The following BPIFB4 variants were observed in gnomAD, a reference collection of about 807,000 sequenced individuals.
BPIFB4 encodes BPI fold-containing family B member 4.
In BPIFB4, 62 loss-of-function variants were observed where a neutral mutation model predicts 69.2. The ratio of observed to expected loss-of-function variants is 0.90; its 90% confidence interval spans 0.73 to 1.11. The LOEUF (loss-of-function observed/expected upper bound fraction) is 1.11. Ranked by LOEUF, BPIFB4 falls within the 50% of genes least tolerant of loss-of-function variation. The pLI, the probability that BPIFB4 is intolerant of heterozygous loss-of-function variation, is 0.00. For missense variants in BPIFB4, 789 were observed against 792.0 expected, an observed-to-expected ratio of 1.00 and a Z score of 0.04; for synonymous variants, 330 against 332.7, an observed-to-expected ratio of 0.99 and a Z score of 0.09.
chr20:33,110,090 G>A (rs1381549122), intron 17 of BPIFB4, among the ~76,000 whole-genome samples: 1 of 152,130 alleles, frequency 6.6e-6, no homozygotes, highest in Non-Finnish European at 1.5e-5. Context: ...ACAAAACCGT[G>A]AAGAATCTGC....
Position 33,097,806 on chromosome 20 carries a change from T to C in BPIFB4, c.1569+19T>C. ...TGACGTGGTGAGTGTCTGGAGGTAC[T>C]GGTGGCCTCCAGCTGGGCCTCAAGA... On this transcript the variant is annotated intron_variant, in intron 13 of 17. Coordinates refer to ENST00000375483, the MANE Select transcript of BPIFB4 (RefSeq NM_182519.3). 1 of 1,596,536 alleles carries C rather than the reference T, an allele frequency of 6.3e-7. No individual in the cohort carries two copies. Among genetic ancestry groups the C allele is most frequent in the Non-Finnish European group, 8.5e-7 (1 of 1,170,256 alleles).
At chr20:33,109,581 A>G (rs1333909627) in intron 17 of BPIFB4, among the ~76,000 whole-genome samples, 1 of 152,142 alleles carries the variant, frequency 6.6e-6, no homozygotes, top group Non-Finnish European at 1.5e-5. Context: ...CCTGGCCCCC[A>G]GGGCCTTTTT....
At chr20:33,107,111 A>G (rs1393540520) in intron 16 of BPIFB4, among the ~76,000 whole-genome samples, 5 of 151,952 alleles carry the variant, frequency 3.3e-5, no homozygotes, top group East Asian at 1.9e-4. Flanking sequence ...GGCTGAGGCA[A>G]GAAAATCATT....
At chr20:33,095,046 C>T in intron 11 of BPIFB4, 54 bp from the exon 12 acceptor site, 1 of 1,517,442 alleles carries the variant, frequency 6.6e-7, no homozygotes, top group East Asian at 2.3e-5. Flanking sequence ...TTAGCAACTC[C>T]TGTCTGTACC....
chr20:33,101,402 C>G (rs1981905014), intron 14 of BPIFB4, among the ~76,000 whole-genome samples: 1 of 152,152 alleles, frequency 6.6e-6, no homozygotes, highest in African/African-American at 2.4e-5. Flanking sequence ...ATTGGCCAAC[C>G]AACTTCACTC....
At chr20:33,100,347 T>G in intron 13 of BPIFB4, 79 bp from the exon 14 acceptor site, 4 of 1,254,416 alleles carry the variant, frequency 3.2e-6, no homozygotes, top group Non-Finnish European at 4.6e-6. Context: ...TAGCTAGCAC[T>G]GGGCACACAA....
chr20:33,100,600 A>G, intron 14 of BPIFB4, 107 bp downstream of exon 14: 1 of 1,034,390 alleles, frequency 9.7e-7, no homozygotes, highest in Non-Finnish European at 1.4e-6. Flanking sequence ...GGCTGGGTAA[A>G]CCCAAGGGGC....
intron 16 of BPIFB4, among the ~76,000 whole-genome samples, chr20:33,105,312 G>T (rs1282006613): frequency 1.3e-5 from 2 of 152,074 alleles, no homozygotes; most frequent in Non-Finnish European, 2.9e-5. Context: ...AATGATACAG[G>T]AACTACAGGA....
intron 13 of BPIFB4, 146 bp from the exon 14 acceptor site, chr20:33,100,280 G>C (rs1027837966): frequency 1.7e-6 from 1 of 605,544 alleles, no homozygotes; most frequent in Admixed American, 2.6e-5. Context: ...TATAAAAGGA[G>C]GTCTGACCCA....
chr20:33,107,029 C>T lies in BPIFB4; in HGVS notation c.1745-715C>T, dbSNP rs191523045. On this transcript the variant is annotated intron_variant, in intron 16 of 17. Coordinates refer to ENST00000375483, the MANE Select transcript of BPIFB4 (RefSeq NM_182519.3). The stretch of plus-strand genomic sequence containing the variant: ...GACCAGCCTGACCAATATGGTGAAA[C>T]CCCATCTCTACTAAAAACACAAAAA... Among the ~76,000 whole-genome samples, 1,409 of 152,088 alleles carry T rather than the reference C, an allele frequency of 9.3e-3. 16 individuals are homozygous for T. Among genetic ancestry groups the T allele is most frequent in the African/African-American group, 0.03 (1,256 of 41,488 alleles).
chr20:33,094,202 C>A (rs981711251), intron 11 of BPIFB4, among the ~76,000 whole-genome samples: 1 of 152,216 alleles, frequency 6.6e-6, no homozygotes, highest in Non-Finnish European at 1.5e-5. Flanking sequence ...GAGAACAGAG[C>A]TCATGCCCAA....
intron 15 of BPIFB4, among the ~76,000 whole-genome samples, chr20:33,103,638 G>A (rs534889512): frequency 1.2e-4 from 6 of 50,446 alleles, no homozygotes; most frequent in Middle Eastern, 0.013. Flanking sequence ...CCCCACCTCC[G>A]CTTTTTATAA....
At position 33,103,109 on chromosome 20, in the gene BPIFB4, A is replaced by G. The variant is rs1981952624; in HGVS notation, c.1680+95A>G. 5.6e-6 allele frequency: 8 copies of G among 1,420,784 alleles called. No homozygotes were observed. In the Admixed American group the frequency reaches 1.0e-4, roughly 18 times the overall value. The allele number at this position is 1,420,784 out of a possible 1,614,324, so 88.0% of individuals were successfully genotyped here. A position where few individuals can be genotyped will look rare whatever the true frequency, so the allele number is the denominator to read the frequency against. ...GGTGTTCCTGTGAGGCTGGCTGGGC[A>G]TGGGGAGTTTGTGAATTCCAAAGTG... On this transcript the variant is annotated intron_variant, in intron 15 of 17. Transcript: ENST00000375483.
intron 3 of BPIFB4, among the ~76,000 whole-genome samples, chr20:33,082,176 G>A (rs1182349003): frequency 6.6e-6 from 1 of 152,036 alleles, no homozygotes; most frequent in African/African-American, 2.4e-5. Flanking sequence ...ACCCATCCCA[G>A]GCTATCATGA....
intron 4 of BPIFB4, among the ~76,000 whole-genome samples, 163 bp from the exon 5 acceptor site, chr20:33,083,204 G>A (rs1320435089): frequency 8.2e-6 from 1 of 122,634 alleles, no homozygotes; most frequent in Non-Finnish European, 1.7e-5. Flanking sequence ...AGGTGGCAGT[G>A]GTGGGGGGTT....
chr20:33,081,737 G>C, intron 3 of BPIFB4, 105 bp downstream of exon 3: 3 of 1,481,908 alleles, frequency 2.0e-6, no homozygotes, highest in Non-Finnish European at 2.7e-6. Flanking sequence ...AGTTCACATC[G>C]GGAGGCTGGG....
intron 11 of BPIFB4, among the ~76,000 whole-genome samples, chr20:33,093,216 T>C (rs1981659420): frequency 6.6e-6 from 1 of 152,060 alleles, no homozygotes; most frequent in Admixed American, 6.5e-5. Context: ...TTCACCCTCC[T>C]ACCCACCCAC....
chr20:33,082,039 G>C (rs1211476722), intron 3 of BPIFB4, among the ~76,000 whole-genome samples: 1 of 152,196 alleles, frequency 6.6e-6, no homozygotes, highest in Non-Finnish European at 1.5e-5. Flanking sequence ...ATGACCTTTT[G>C]AAAACTTAGC....
intron 3 of BPIFB4, 55 bp downstream of exon 3, chr20:33,081,687 G>T (rs1433400124): frequency 1.3e-6 from 2 of 1,541,246 alleles, no homozygotes; most frequent in African/African-American, 1.4e-5. Context: ...GGGCAGCTCT[G>T]CCAACTCTGA....
Sources: gnomAD v4.1 joint callset for allele counts (sites outside exome capture counted in the v4.1 genomes callset) on GRCh38, gnomAD v4.1.1 for gene constraint, MANE v1.5 for transcripts, NCBI Gene and HGNC (gene_info 2026-07-23, HGNC 2026-07-21) for gene names.